The following PACSIN1 variants were observed in gnomAD, a reference collection of about 807,000 sequenced individuals.
PACSIN1 encodes the protein protein kinase C and casein kinase substrate in neurons 1.
A neutral mutation model predicts 59.5 loss-of-function variants in PACSIN1; 15 were observed. The observed-to-expected ratio is 0.25, with a 90% confidence interval of 0.17 to 0.39. The LOEUF (loss-of-function observed/expected upper bound fraction) is 0.39. Among genes scored for constraint, PACSIN1 ranks in the 10% least tolerant of loss-of-function variants. The pLI is 1.00. For synonymous variants in PACSIN1, 210 were observed against 220.6 expected (o/e 0.95, Z 0.42); for missense variants, 420 against 580.2 (o/e 0.72, Z 2.84).
intron 1 of PACSIN1, among the ~76,000 whole-genome samples, chr6:34,513,361 C>T (rs1767235522): frequency 6.6e-6 from 1 of 152,144 alleles, no homozygotes; most frequent in Admixed American, 6.5e-5. Flanking sequence ...TCTGTTGTAT[C>T]TTCCCTCTCT....
chr6:34,507,741 C>G (rs1234090982), intron 1 of PACSIN1, among the ~76,000 whole-genome samples: 1 of 152,188 alleles, frequency 6.6e-6, no homozygotes, highest in Non-Finnish European at 1.5e-5. Context: ...AACCACCATT[C>G]TCCTTCCTGT....
rs1479019707 is a variant in PACSIN1, at chr6:34,521,999, C to T, written c.-63-4244C>T. 6.6e-6 allele frequency among the ~76,000 whole-genome samples: 1 copy of T among 152,200 alleles called. No homozygotes were observed. The highest frequency in any genetic ancestry group is 2.4e-5 in the African/African-American group (1 of 41,444). On this transcript the variant is annotated intron_variant, in intron 1 of 9. Transcript: ENST00000244458. This position sits in a 1 kb window ranked among gnomAD's most constrained non-coding sequence, Gnocchi z 4.3. ...CAGGGTCAAGTCCTTACTCTGCCAC[C>T]TGTAGCTGCGCGATCTTGGCTTACC...
rs1767267442 is a variant in PACSIN1 at position 34,515,052 on chromosome 6, T to G, written c.-63-11191T>G. ...AAGCTCCTACTTGCCCCCAGCTTGGTGCCCACACGGGCCCAGGTAGGCATT... is the reference window on the plus strand; with the variant it reads ...AAGCTCCTACTTGCCCCCAGCTTGGGGCCCACACGGGCCCAGGTAGGCATT... On this transcript the variant is annotated intron_variant, in intron 1 of 9. Transcript: ENST00000244458. The surrounding 1 kb of genome is among the most constrained non-coding windows in gnomAD (Gnocchi z 4.4). The G allele has an allele frequency of 6.6e-6, 1 of 152,302 alleles. No homozygotes were observed. The highest frequency in any genetic ancestry group is 2.1e-4 in the South Asian group (1 of 4,832). The allele number at this position is 152,302 out of a possible 1,614,324, so 9.4% of individuals were successfully genotyped here.
At chr6:34,498,825 A>G (rs1766984621) in intron 1 of PACSIN1, among the ~76,000 whole-genome samples, 1 of 146,356 alleles carries the variant, frequency 6.8e-6, no homozygotes. Flanking sequence ...AAAGTGTCCC[A>G]GGTAAGAAAA....
intron 1 of PACSIN1, among the ~76,000 whole-genome samples, chr6:34,496,355 C>T (rs1176982564): frequency 2.0e-5 from 3 of 151,106 alleles, no homozygotes; most frequent in Non-Finnish European, 4.4e-5. Context: ...GGGGGCCTGT[C>T]AGAGGGTCAC....
chr6:34,507,138 T>G (rs959745153), intron 1 of PACSIN1, among the ~76,000 whole-genome samples: 7 of 152,178 alleles, frequency 4.6e-5, no homozygotes, highest in Non-Finnish European at 1.0e-4. Flanking sequence ...TTTATTCTTT[T>G]TTATTATGTT....
In PACSIN1 at chr6:34,521,448, G is replaced by A. The variant is rs1581982682; in HGVS notation, c.-63-4795G>A. Among the ~76,000 whole-genome samples the A allele has an allele frequency of 6.6e-6, 1 of 152,180 alleles. No homozygotes were observed. Among genetic ancestry groups the A allele is most frequent in the African/African-American group, 2.4e-5 (1 of 41,456 alleles). On this transcript the variant is annotated intron_variant, in intron 1 of 9. Transcript: ENST00000244458. This position sits in a 1 kb window ranked among gnomAD's most constrained non-coding sequence, Gnocchi z 4.3. ...ACAGCTGAGGGCCCTGCCCTCCAGG[G>A]TCTCCTAGAGGCAGCTTTCAGGAGA...
intron 1 of PACSIN1, among the ~76,000 whole-genome samples, chr6:34,505,712 CA>C (rs1423279702): frequency 6.7e-6 from 1 of 149,246 alleles, no homozygotes; most frequent in African/African-American, 2.5e-5. Flanking sequence ...CGGCTCACTG[CA>C]ACCTCTGCCT....
At chr6:34,501,935 G>A (rs1767031098) in intron 1 of PACSIN1, among the ~76,000 whole-genome samples, 2 of 151,518 alleles carry the variant, frequency 1.3e-5, no homozygotes, top group Admixed American at 1.3e-4. Flanking sequence ...GGGAGGCTGA[G>A]GCAGAAGAGT....
chr6:34,497,340 C>G (rs933260879), intron 1 of PACSIN1, among the ~76,000 whole-genome samples: 1 of 152,198 alleles, frequency 6.6e-6, no homozygotes, highest in African/African-American at 2.4e-5. Context: ...GTGTCAGGCA[C>G]TGTTCCAGGT....
At chr6:34,524,449 G>T (rs1176178423) in intron 1 of PACSIN1, among the ~76,000 whole-genome samples, 4 of 152,140 alleles carry the variant, frequency 2.6e-5, no homozygotes, top group Non-Finnish European at 5.9e-5. Context: ...ATTCCCCGAA[G>T]ATGGTCACCA....
intron 1 of PACSIN1, among the ~76,000 whole-genome samples, chr6:34,490,226 C>CTTTTT (rs56754772): frequency 3.1e-4 from 32 of 102,714 alleles, no homozygotes; most frequent in East Asian, 6.2e-4. Context: ...AATTTAAAAA[C>CTTTTT]TTTTTTTTTT....
intron 1 of PACSIN1, among the ~76,000 whole-genome samples, chr6:34,517,175 C>A (rs1452268013): frequency 6.6e-6 from 1 of 152,222 alleles, no homozygotes; most frequent in African/African-American, 2.4e-5. Flanking sequence ...ATCTCACCGC[C>A]ACATCCAAAC....
chr6:34,498,052 TTTTG>T lies in PACSIN1; in HGVS notation c.-63-28167_-63-28164del, dbSNP rs34953853. On this transcript the variant is annotated intron_variant, in intron 1 of 9. Transcript: ENST00000244458. ...AAGTCCTTTGCCTGTTTTTTGTTTG[TTTTG>T]TTTGTTTGTTTGTTTGTTTGTTTTG... Among the ~76,000 whole-genome samples, 345 of 151,426 alleles carry T rather than the reference TTTTG, an allele frequency of 2.3e-3. 1 individual carries two copies. In the East Asian group the frequency reaches 0.028, roughly 12 times the overall value.
intron 1 of PACSIN1, among the ~76,000 whole-genome samples, chr6:34,494,849 G>T (rs530061523): frequency 2.4e-4 from 37 of 152,288 alleles, no homozygotes; most frequent in African/African-American, 8.7e-4. Context: ...TGTATAGGCA[G>T]GTTTTTATGC....
intron 1 of PACSIN1, among the ~76,000 whole-genome samples, chr6:34,507,015 G>T (rs982851775): frequency 6.6e-6 from 1 of 152,204 alleles, no homozygotes; most frequent in Non-Finnish European, 1.5e-5. Context: ...TTCTTCCATG[G>T]TGTTTGGCTA....
intron 1 of PACSIN1, among the ~76,000 whole-genome samples, chr6:34,473,255 T>C (rs1581954881): frequency 7.5e-6 from 1 of 134,202 alleles, no homozygotes; most frequent in Non-Finnish European, 1.6e-5. Context: ...CCAGGCAGAG[T>C]GACAGCAGGG....
chr6:34,526,428 G>T lies in PACSIN1; in HGVS notation c.63+60G>T, dbSNP rs753882169. On this transcript the variant is annotated intron_variant, in intron 2 of 9. Transcript: ENST00000244458. ...GACAGCCTGGCTGTTTGGAGGCCAG[G>T]CTCCCTTATCACTCACCCCATGACC... 7 of 1,434,974 alleles carry T rather than the reference G, an allele frequency of 4.9e-6. No individual in the cohort carries two copies. The East Asian group carries it at 1.4e-4, about 29-fold the overall frequency. 88.9% of individuals were successfully genotyped at this position (1,434,974 alleles called of 1,614,324 possible).
Position 34,528,902 on chromosome 6 carries a change from C to T in PACSIN1, c.456+25C>T, listed in dbSNP as rs771585407. 19 of 268,780 alleles carry T rather than the reference C, an allele frequency of 7.1e-5. No homozygotes were observed. The highest frequency in any genetic ancestry group is 2.9e-4 in the Admixed American group (7 of 24,238). 16.6% of individuals were successfully genotyped at this position (268,780 alleles called of 1,614,324 possible). ...GGTGCTCAGTGGGTGCTGCCACGGG[C>T]GGGGTGGGGTGGGCCCGTCTGATCA... On this transcript the variant is annotated intron_variant, in intron 4 of 9. Transcript: ENST00000244458.
Sources: allele counts gnomAD v4.1 joint callset (sites outside exome capture counted in the v4.1 genomes callset), GRCh38; gene constraint gnomAD v4.1.1; non-coding constraint Gnocchi (gnomAD v3.1); transcripts MANE v1.5; gene names NCBI Gene and HGNC (gene_info 2026-07-23, HGNC 2026-07-21).